DCDC2: variants seen among roughly 807,000 people sequenced by gnomAD.
DCDC2 encodes doublecortin domain-containing protein 2.
DCDC2 carries 40 observed loss-of-function variants against 50.2 expected under a neutral mutation model. The observed-to-expected ratio is 0.80, with a 90% CI of 0.62 to 1.04. The LOEUF is 1.04. DCDC2 is among the 50% of genes least tolerant of loss of function. The pLI, the probability that DCDC2 is intolerant of heterozygous loss-of-function variation, is 0.00. For missense variants in DCDC2, 570 were observed against 581.9 expected, an observed-to-expected ratio of 0.98 and a Z score of 0.21; for synonymous variants, 234 against 210.6, an observed-to-expected ratio of 1.11 and a Z score of -0.96.
At chr6:24,237,015 A>G (rs1338021893) in intron 7 of DCDC2, among the ~76,000 whole-genome samples, 1 of 151,946 alleles carries the variant, frequency 6.6e-6, no homozygotes, top group East Asian at 1.9e-4. Flanking sequence ...GACTCAAAAA[A>G]AAAAAGAAGA....
intron 7 of DCDC2, among the ~76,000 whole-genome samples, chr6:24,211,623 A>G (rs1339309948): frequency 1.3e-5 from 2 of 152,172 alleles, no homozygotes; most frequent in Admixed American, 6.5e-5. Context: ...AGTGGGACTG[A>G]TACAGTGCAA....
At chr6:24,371,142 C>A in the DCDC2 span, among the ~76,000 whole-genome samples, 1 of 151,194 alleles carries the variant, frequency 6.6e-6, no homozygotes. Flanking sequence ...CTGGGTGTGG[C>A]GGTGTGTGCC....
At chr6:24,358,879 T>TTATATA (rs376083733), upstream of DCDC2, among the ~76,000 whole-genome samples, 3 of 52,688 alleles carry the variant, frequency 5.7e-5, 1 homozygote, top group African/African-American at 1.7e-4. Context: ...TATATATGTA[T>TTATATA]TATATATATT....
intron 2 of DCDC2, among the ~76,000 whole-genome samples, chr6:24,344,420 ACAGCTTAT>A (rs1203773385): frequency 6.6e-6 from 1 of 152,228 alleles, no homozygotes; most frequent in African/African-American, 2.4e-5. Context: ...TTTGCTTAGA[ACAGCTTAT>A]CACTATAAAT....
chr6:24,296,264 G>C (rs1265623732), intron 4 of DCDC2, among the ~76,000 whole-genome samples: 1 of 152,140 alleles, frequency 6.6e-6, no homozygotes, highest in Non-Finnish European at 1.5e-5. Flanking sequence ...TGGGATAACT[G>C]GCTAGCCAGA....
intron 8 of DCDC2, among the ~76,000 whole-genome samples, chr6:24,202,234 T>A (rs1317061601): frequency 6.6e-6 from 1 of 152,212 alleles, no homozygotes; most frequent in Non-Finnish European, 1.5e-5. Context: ...AAATCCTCAA[T>A]AAAATACTGG....
intron 8 of DCDC2, among the ~76,000 whole-genome samples, chr6:24,178,968 C>T (rs1474007164): frequency 6.6e-6 from 1 of 152,072 alleles, no homozygotes; most frequent in Non-Finnish European, 1.5e-5. Context: ...CTTGTAACCC[C>T]CATGGCAGAT....
chr6:24,313,175 T>G (rs1258651139), intron 2 of DCDC2, among the ~76,000 whole-genome samples: 1 of 152,202 alleles, frequency 6.6e-6, no homozygotes, highest in Non-Finnish European at 1.5e-5. Flanking sequence ...TAACTTATTC[T>G]AAAAATAATT....
Position 24,302,022 on chromosome 6 carries a change from C to A in DCDC2, c.371G>T (p.Arg124Met). 13 of 1,613,954 alleles carry A rather than the reference C, an allele frequency of 8.1e-6. No homozygotes were observed. Among genetic ancestry groups the A allele is most frequent in the Non-Finnish European group, 1.1e-5 (13 of 1,179,960 alleles). ...TCTAAAGCGAGCTGACACGTTGATC[C>A]TGCTATGGATTACTGGTTTTACCTT... ...NTEVKPVIHSRINVSARFRKP... is the reference protein window; with the variant it reads ...NTEVKPVIHSMINVSARFRKP... The change falls in exon 3 of 10, where the codon AGG (arginine) becomes ATG (methionine). Residue 124 changes from arginine (R) to methionine (M), a missense_variant. Coordinates refer to ENST00000378454, the MANE Select transcript of DCDC2 (RefSeq NM_016356.5).
At chr6:24,215,458 C>T (rs903846106) in intron 7 of DCDC2, among the ~76,000 whole-genome samples, 2 of 151,964 alleles carry the variant, frequency 1.3e-5, no homozygotes, top group Non-Finnish European at 2.9e-5. Context: ...GTTGCCTGGA[C>T]AGAAGCAGGT....
intron 7 of DCDC2, among the ~76,000 whole-genome samples, chr6:24,237,799 C>A (rs929427139): frequency 1.3e-5 from 2 of 152,030 alleles, no homozygotes; most frequent in Admixed American, 6.6e-5. Context: ...AGCCATTATC[C>A]TAAGCAAACT....
chr6:24,175,204 C>A (rs1166929547), intron 9 of DCDC2, among the ~76,000 whole-genome samples: 4 of 152,168 alleles, frequency 2.6e-5, no homozygotes, highest in Non-Finnish European at 4.4e-5. Flanking sequence ...CAGGGACATT[C>A]TCCTAATTTT....
At chr6:24,344,625 T>G (rs567308428) in intron 2 of DCDC2, among the ~76,000 whole-genome samples, 33 of 152,352 alleles carry the variant, frequency 2.2e-4, no homozygotes, top group Admixed American at 5.2e-4. Flanking sequence ...GAGTTATTGA[T>G]GAATATTTTT....
chr6:24,354,476 T>C (rs1186862882), intron 1 of DCDC2, among the ~76,000 whole-genome samples: 1 of 152,204 alleles, frequency 6.6e-6, no homozygotes, highest in Non-Finnish European at 1.5e-5. Context: ...GCTATTGAAA[T>C]GTTTTTATTG....
upstream of DCDC2, chr6:24,358,390 C>G (rs1010742369): frequency 6.2e-6 from 1 of 160,476 alleles, no homozygotes; most frequent in Non-Finnish European, 1.5e-5. Flanking sequence ...GGCGGGAGGG[C>G]TGCCTAAGAC....
intron 5 of DCDC2, 62 bp downstream of exon 5, chr6:24,290,870 A>G: frequency 1.4e-6 from 2 of 1,439,276 alleles, no homozygotes; most frequent in Middle Eastern, 3.6e-4. Flanking sequence ...TGGTCAGCAA[A>G]AGACCCAATG....
intron 5 of DCDC2, 30 bp downstream of exon 5, chr6:24,290,902 G>C (rs377595278): frequency 1.3e-5 from 21 of 1,586,436 alleles, no homozygotes; most frequent in Non-Finnish European, 1.8e-5. Context: ...GGTAACTAAA[G>C]CATGAGGAGT....
chr6:24,358,044 A>C lies in DCDC2; in HGVS notation c.-294T>G. ...AGGTTCACCTGCTACGGGCAGAATC[A>C]AGGTGGACAGCTTCTGAGCAGGAGC... On this transcript the variant is annotated 5_prime_UTR_variant, in exon 1 of 10. Coordinates refer to ENST00000378454, the MANE Select transcript of DCDC2 (RefSeq NM_016356.5). 4.5e-6 allele frequency: 5 copies of C among 1,111,552 alleles called. No individual in the cohort carries two copies. The highest frequency in any genetic ancestry group is 6.3e-6 in the Non-Finnish European group (5 of 797,992). 68.9% of individuals were successfully genotyped at this position (1,111,552 alleles called of 1,614,324 possible). A position where few individuals can be genotyped will look rare whatever the true frequency, so the allele number is the denominator to read the frequency against.
upstream of DCDC2, among the ~76,000 whole-genome samples, chr6:24,359,968 C>T (rs988045078): frequency 1.3e-5 from 2 of 152,174 alleles, no homozygotes; most frequent in African/African-American, 2.4e-5. Context: ...CCTACCGACA[C>T]TCGCGTGCTG....
Sources: gnomAD v4.1 joint callset for allele counts (sites outside exome capture counted in the v4.1 genomes callset) on GRCh38, gnomAD v4.1.1 for gene constraint, MANE v1.5 for transcripts, NCBI Gene and HGNC (gene_info 2026-07-23, HGNC 2026-07-21) for gene names.